Variants in TMOD1 observed in about 807,000 individuals in gnomAD.
TMOD1 encodes tropomodulin-1.
TMOD1 carries 17 observed loss-of-function variants against 40.6 expected under a neutral mutation model. The observed-to-expected ratio is 0.42, with a 90% CI of 0.29 to 0.63. The LOEUF (loss-of-function observed/expected upper bound fraction) is 0.63. Ranked by LOEUF, TMOD1 falls within the 20% of genes least tolerant of loss-of-function variation. TMOD1 has a pLI of 0.22. For missense variants in TMOD1, 391 were observed against 447.6 expected (o/e 0.87, Z 1.14); for synonymous variants, 181 against 175.0 (o/e 1.03, Z -0.27).
chr9:97,577,621 CTACTAAAAA>C (rs564299405), intron 8 of TMOD1, among the ~76,000 whole-genome samples: 114 of 152,174 alleles, frequency 7.5e-4, no homozygotes, highest in African/African-American at 2.6e-3. Context: ...AACCCCATCT[CTACTAAAAA>C]TACAAAAATT....
chr9:97,555,428 G>A (rs1587939774), intron 4 of TMOD1: 1 of 1,393,698 alleles, frequency 7.2e-7, no homozygotes, highest in African/African-American at 1.5e-5. Context: ...CGGCGCCTGC[G>A]GTTCCTGTGC....
chr9:97,586,827 G>A (rs998312669), intron 8 of TMOD1, among the ~76,000 whole-genome samples: 8 of 152,140 alleles, frequency 5.3e-5, no homozygotes, highest in African/African-American at 1.4e-4. Flanking sequence ...GACCCCTTGC[G>A]CTTCCCAGGT....
intron 3 of TMOD1, among the ~76,000 whole-genome samples, chr9:97,549,011 GA>G (rs1460082878): frequency 6.6e-6 from 1 of 152,108 alleles, no homozygotes; most frequent in Non-Finnish European, 1.5e-5. Flanking sequence ...CACACCGCAA[GA>G]CCTGATAGTA....
chr9:97,511,085 G>C (rs200573402), intron 1 of TMOD1, among the ~76,000 whole-genome samples: 7 of 144,398 alleles, frequency 4.8e-5, no homozygotes, highest in Admixed American at 4.1e-4. Flanking sequence ...CACACACACA[G>C]ACACACACAC....
At chr9:97,586,048 G>A (rs1587960597) in intron 8 of TMOD1, among the ~76,000 whole-genome samples, 1 of 151,978 alleles carries the variant, frequency 6.6e-6, no homozygotes, top group African/African-American at 2.4e-5. Flanking sequence ...TTGCTGGTGA[G>A]GAACTGCGTT....
chr9:97,550,023 T>C (rs1295564005), intron 3 of TMOD1, among the ~76,000 whole-genome samples: 1 of 152,244 alleles, frequency 6.6e-6, no homozygotes, highest in Admixed American at 6.5e-5. Context: ...AATAAAACCC[T>C]GTACCTATTA....
At chr9:97,574,091 T>G (rs769101835) in intron 8 of TMOD1, among the ~76,000 whole-genome samples, 7 of 152,160 alleles carry the variant, frequency 4.6e-5, no homozygotes, top group Middle Eastern at 6.3e-3. Flanking sequence ...TCTCGGCGCC[T>G]CCTCAGCCTT....
At chr9:97,571,976 T>A (rs949307394) in intron 8 of TMOD1, among the ~76,000 whole-genome samples, 1 of 152,160 alleles carries the variant, frequency 6.6e-6, no homozygotes, top group African/African-American at 2.4e-5. Flanking sequence ...TCCAGAAGTT[T>A]CCTCACTGGA....
intron 1 of TMOD1, chr9:97,512,711 G>A (rs1829723300): frequency 6.7e-6 from 1 of 149,126 alleles, no homozygotes; most frequent in African/African-American, 2.5e-5. Context: ...TGTTCAAAAA[G>A]CCAAAACTAA....
At chr9:97,572,020 T>C (rs545971702) in intron 8 of TMOD1, among the ~76,000 whole-genome samples, 4 of 152,268 alleles carry the variant, frequency 2.6e-5, no homozygotes, top group South Asian at 2.1e-4. Flanking sequence ...ATGACCATCA[T>C]ACCAGGTGCT....
At chr9:97,550,750 T>A (rs1472486452) in intron 3 of TMOD1, among the ~76,000 whole-genome samples, 1 of 152,132 alleles carries the variant, frequency 6.6e-6, no homozygotes, top group Non-Finnish European at 1.5e-5. Context: ...TTGTAAAAGT[T>A]CTTTCTGTAT....
chr9:97,559,117 T>C (rs544672329), intron 4 of TMOD1, among the ~76,000 whole-genome samples: 1 of 152,182 alleles, frequency 6.6e-6, no homozygotes, highest in East Asian at 1.9e-4. Context: ...TTTTATATGA[T>C]CCCCGCAAAA....
rs1438781862 is a variant in TMOD1, at chr9:97,599,967, T to C, written c.*269T>C. Reference sequence around the variant, plus strand: ...CCAAACCAGCAGATCTTACTGAAGATGATGTTCCAGCAGCAGCGACTTAGC... The same window carrying C: ...CCAAACCAGCAGATCTTACTGAAGACGATGTTCCAGCAGCAGCGACTTAGC... On this transcript the variant is annotated 3_prime_UTR_variant, in exon 10 of 10. Coordinates refer to ENST00000259365, the MANE Select transcript of TMOD1 (RefSeq NM_003275.4). The C allele has an allele frequency of 4.9e-6, 6 of 1,233,176 alleles. No homozygotes were observed. Among genetic ancestry groups the C allele is most frequent in the Non-Finnish European group, 6.1e-6 (6 of 977,356 alleles). The allele number at this position is 1,233,176 out of a possible 1,614,324, so 76.4% of individuals were successfully genotyped here. A position where few individuals can be genotyped will look rare whatever the true frequency, so the allele number is the denominator to read the frequency against.
chr9:97,575,471 C>T (rs1191358901), intron 8 of TMOD1, among the ~76,000 whole-genome samples: 1 of 152,240 alleles, frequency 6.6e-6, no homozygotes, highest in East Asian at 1.9e-4. Flanking sequence ...AGCAAAGCTA[C>T]CTCAGGATGG....
upstream of TMOD1, among the ~76,000 whole-genome samples, chr9:97,501,456 C>G (rs1003386931): frequency 6.6e-6 from 1 of 152,134 alleles, no homozygotes; most frequent in Non-Finnish European, 1.5e-5. Flanking sequence ...GGGGCCCGCG[C>G]TCGCTCGGCT....
At position 97,524,278 on chromosome 9, in the gene TMOD1, G is replaced by A; in HGVS notation, c.90G>A (p.Leu30=). The stretch of plus-strand genomic sequence containing the variant: ...TAACAGAGGAAGAGCTGAGGACCCT[G>A]GAAAATGAGCTGGATGAGCTGGACC... The part of the protein sequence containing the change: ...GALTEEELRT[L]ENELDELDPD... Residue 30 remains leucine (L), a synonymous_variant, in exon 2 of 10, where the codon CTG becomes CTA. Transcript: ENST00000259365. The A allele has an allele frequency of 6.2e-7, 1 of 1,614,120 alleles. No homozygotes were observed. The highest frequency in any genetic ancestry group is 8.5e-7 in the Non-Finnish European group (1 of 1,180,008).
At chr9:97,560,669 G>GTATATATATA (rs3052076) in intron 4 of TMOD1, among the ~76,000 whole-genome samples, 9 of 144,754 alleles carry the variant, frequency 6.2e-5, no homozygotes, top group African/African-American at 2.3e-4. Context: ...TTTTTGTATT[G>GTATATATATA]TATATATATA....
rs1022386908 is a variant in TMOD1, at chr9:97,555,238, A to G, written c.397+1838A>G. Among the ~76,000 whole-genome samples the G allele has an allele frequency of 3.3e-5, 5 of 152,162 alleles. No individual in the cohort carries two copies. The South Asian group carries it at 1.0e-3, about 32-fold the overall frequency. On this transcript the variant is annotated intron_variant, in intron 4 of 9. Coordinates refer to ENST00000259365, the MANE Select transcript of TMOD1 (RefSeq NM_003275.4). ...ATATTATACATCACACTTCAACCAA[A>G]CCATCTCCCCGAAGTCCCTTGAGGT...
intron 4 of TMOD1, chr9:97,555,646 A>T: frequency 6.4e-7 from 1 of 1,551,118 alleles, no homozygotes; most frequent in Non-Finnish European, 8.7e-7. Context: ...CATTTGAAAG[A>T]TGGCAGCATC....
Sources: allele counts gnomAD v4.1 joint callset (sites outside exome capture counted in the v4.1 genomes callset), GRCh38; gene constraint gnomAD v4.1.1; transcripts MANE v1.5; gene names NCBI Gene and HGNC (gene_info 2026-07-23, HGNC 2026-07-21).